The following GPR158 variants were observed in gnomAD, a reference collection of about 807,000 sequenced individuals.
GPR158 encodes the protein metabotropic glycine receptor.
Under a neutral mutation model 78.2 loss-of-function variants are expected in GPR158, and 30 were observed. That is an observed-to-expected ratio of 0.38 (90% CI 0.29 to 0.52). The LOEUF (loss-of-function observed/expected upper bound fraction) is 0.52. Among genes scored for constraint, GPR158 ranks in the 20% least tolerant of loss-of-function variants. The pLI is 0.83. For missense variants in GPR158, 1,463 were observed against 1,523.5 expected, an observed-to-expected ratio of 0.96 and a Z score of 0.66; for synonymous variants, 581 against 591.1, an observed-to-expected ratio of 0.98 and a Z score of 0.25.
chr10:25,356,171 G>A (rs933002467), intron 2 of GPR158, among the ~76,000 whole-genome samples: 21 of 152,174 alleles, frequency 1.4e-4, no homozygotes, highest in African/African-American at 5.1e-4. Context: ...GCAGAGTGGG[G>A]AGAGGGGCAT....
intron 7 of GPR158, among the ~76,000 whole-genome samples, chr10:25,579,886 T>C (rs1837164540): frequency 6.6e-6 from 1 of 152,260 alleles, no homozygotes; most frequent in South Asian, 2.1e-4. Flanking sequence ...TATCATCTCC[T>C]GTAATTCTTT....
chr10:25,299,625 C>T (rs975203706), intron 2 of GPR158, among the ~76,000 whole-genome samples: 35 of 152,054 alleles, frequency 2.3e-4, no homozygotes, highest in African/African-American at 7.5e-4. Flanking sequence ...ACATTTTCTT[C>T]ATCCATTCAT....
At chr10:25,593,004 T>C (rs1451799648) in intron 8 of GPR158, among the ~76,000 whole-genome samples, 2 of 151,866 alleles carry the variant, frequency 1.3e-5, no homozygotes, top group African/African-American at 2.4e-5. Context: ...GCAGTCATAT[T>C]CAAGGTATGT....
At position 25,433,690 on chromosome 10, in the gene GPR158, C is replaced by CTTTTTTTTTTTTTTTTTTTT. The variant is rs776105443; in HGVS notation, c.1335+21220_1335+21221insTTTTTTTTTTTTTTTTTTTT. On this transcript the variant is annotated intron_variant, in intron 4 of 10. Transcript: ENST00000376351. Reference sequence around the variant, plus strand: ...GGCATTTTCCTTTCTTTCTTTCTTTCTTTCTTTTTTTTTTTTTTTTTGGTA... The same window carrying CTTTTTTTTTTTTTTTTTTTT: ...GGCATTTTCCTTTCTTTCTTTCTTTCTTTTTTTTTTTTTTTTTTTTTTTCTTTTTTTTTTTTTTTTTGGTA... 3.0e-4 allele frequency among the ~76,000 whole-genome samples: 28 copies of CTTTTTTTTTTTTTTTTTTTT among 93,240 alleles called. 1 individual carries two copies. The highest frequency in any genetic ancestry group is 4.6e-4 in the Non-Finnish European group (20 of 43,294). 61.2% of individuals were successfully genotyped at this position (93,240 alleles called of 152,430 possible).
rs560617279 is a variant in GPR158, at chr10:25,562,268, TG to T, written c.1515-10380del. Among the ~76,000 whole-genome samples the T allele has an allele frequency of 6.3e-3, 960 of 152,258 alleles. 9 individuals are homozygous for T. The highest frequency in any genetic ancestry group is 0.022 in the African/African-American group (916 of 41,558). ...AACCAACTTAGATTGTTTTTAATTG[TG>T]TCTGCTGTTTTTCGACTCTATATTT... On this transcript the variant is annotated intron_variant, in intron 6 of 10. Coordinates refer to ENST00000376351, the MANE Select transcript of GPR158 (RefSeq NM_020752.3).
Position 25,597,933 on chromosome 10 carries a change from C to T in GPR158, c.2307C>T (p.Cys769=). ...TEIPETVSRQ[C]SKEDKEGADH... ...TCCCAGAGACAGTCAGCCGGCAGTGCTCTAAAGAGGACAAGGAGGGCGCCG... is the reference window on the plus strand; with the variant it reads ...TCCCAGAGACAGTCAGCCGGCAGTGTTCTAAAGAGGACAAGGAGGGCGCCG... The change falls in exon 11 of 11, where the codon TGC becomes TGT. Residue 769 remains cysteine, a synonymous_variant. Coordinates refer to ENST00000376351, the MANE Select transcript of GPR158 (RefSeq NM_020752.3). The T allele has an allele frequency of 6.2e-7, 1 of 1,613,644 alleles. No individual in the cohort carries two copies. The highest frequency in any genetic ancestry group is 1.1e-5 in the South Asian group (1 of 91,032).
At chr10:25,187,152 A>G (rs1253001594) in intron 1 of GPR158, among the ~76,000 whole-genome samples, 2 of 151,772 alleles carry the variant, frequency 1.3e-5, no homozygotes, top group East Asian at 3.9e-4. Flanking sequence ...TTTTTAATAG[A>G]GACAGGGTTT....
At chr10:25,242,741 C>G (rs1853642938) in intron 2 of GPR158, among the ~76,000 whole-genome samples, 1 of 152,022 alleles carries the variant, frequency 6.6e-6, no homozygotes, top group Non-Finnish European at 1.5e-5. Flanking sequence ...CTTGAGTGTA[C>G]TTTTTTTTCC....
intron 2 of GPR158, among the ~76,000 whole-genome samples, chr10:25,274,334 G>T (rs1316253207): frequency 6.6e-6 from 1 of 152,072 alleles, no homozygotes; most frequent in African/African-American, 2.4e-5. Context: ...AATAAAATAG[G>T]TTTGATTCTA....
At chr10:25,204,595 G>A (rs1170607596) in intron 1 of GPR158, among the ~76,000 whole-genome samples, 3 of 152,104 alleles carry the variant, frequency 2.0e-5, no homozygotes, top group African/African-American at 7.2e-5. Flanking sequence ...GCATCCCAGG[G>A]TTGAAGCCCA....
At chr10:25,493,875 A>G (rs968164460) in intron 5 of GPR158, among the ~76,000 whole-genome samples, 1 of 152,224 alleles carries the variant, frequency 6.6e-6, no homozygotes. Flanking sequence ...TACAAAAAGT[A>G]GTTGAGGTGA....
At chr10:25,258,356 C>T (rs532613983) in intron 2 of GPR158, among the ~76,000 whole-genome samples, 2 of 152,154 alleles carry the variant, frequency 1.3e-5, no homozygotes, top group Non-Finnish European at 1.5e-5. Flanking sequence ...CTTAATCTGA[C>T]GTAAATATCT....
At chr10:25,367,297 T>C (rs1483899776) in intron 2 of GPR158, among the ~76,000 whole-genome samples, 3 of 151,612 alleles carry the variant, frequency 2.0e-5, no homozygotes, top group African/African-American at 7.3e-5. Flanking sequence ...ACTCCTTGGG[T>C]ACATGGATTT....
At position 25,600,614 on chromosome 10, in the gene GPR158, C is replaced by T. The variant is rs142455873; in HGVS notation, c.*1340C>T. 6.6e-6 allele frequency: 1 copy of T among 152,578 alleles called. No homozygotes were observed. The highest frequency in any genetic ancestry group is 1.5e-5 in the Non-Finnish European group (1 of 68,026). The allele number at this position is 152,578 out of a possible 1,614,324, so 9.5% of individuals were successfully genotyped here. A position where few individuals can be genotyped will look rare whatever the true frequency, so the allele number is the denominator to read the frequency against. On this transcript the variant is annotated 3_prime_UTR_variant, in exon 11 of 11. Coordinates refer to ENST00000376351, the MANE Select transcript of GPR158 (RefSeq NM_020752.3). Reference sequence around the variant, plus strand: ...AAACTCTTATTCATTGCTTCAGCTACAGGTAGAACTTGCTGGGCTCAAATC... The same window carrying T: ...AAACTCTTATTCATTGCTTCAGCTATAGGTAGAACTTGCTGGGCTCAAATC...
intron 2 of GPR158, among the ~76,000 whole-genome samples, chr10:25,259,470 AGTT>A (rs1853939201): frequency 6.6e-6 from 1 of 151,950 alleles, no homozygotes; most frequent in Non-Finnish European, 1.5e-5. Context: ...AAATTGTTTC[AGTT>A]GTTGTGGTAT....
chr10:25,379,962 A>T (rs1450452259), intron 2 of GPR158, among the ~76,000 whole-genome samples: 1 of 80,110 alleles, frequency 1.2e-5, no homozygotes, highest in Non-Finnish European at 3.4e-5. Context: ...GCCTCTCCAT[A>T]GGGTTTTTTT....
intron 3 of GPR158, among the ~76,000 whole-genome samples, chr10:25,410,491 C>T (rs746249463): frequency 3.3e-5 from 5 of 152,116 alleles, no homozygotes; most frequent in Admixed American, 1.3e-4. Flanking sequence ...TGGCGCGTGT[C>T]TGTAGTCCCA....
chr10:25,373,485 T>C (rs1475357673), intron 2 of GPR158, among the ~76,000 whole-genome samples: 1 of 151,974 alleles, frequency 6.6e-6, no homozygotes, highest in African/African-American at 2.4e-5. Flanking sequence ...TTTACATTTC[T>C]TTTTCTTATT....
intron 6 of GPR158, among the ~76,000 whole-genome samples, chr10:25,565,292 C>A (rs1329545108): frequency 6.6e-6 from 1 of 152,140 alleles, no homozygotes; most frequent in African/African-American, 2.4e-5. Flanking sequence ...GAAATACCAA[C>A]TGAATAATAG....
Sources: allele counts gnomAD v4.1 joint callset (sites outside exome capture counted in the v4.1 genomes callset), GRCh38; gene constraint gnomAD v4.1.1; transcripts MANE v1.5; gene names NCBI Gene and HGNC (gene_info 2026-07-23, HGNC 2026-07-21).